Variants in ROR1 observed in about 807,000 individuals in gnomAD.
ROR1 encodes inactive tyrosine-protein kinase transmembrane receptor ROR1.
In ROR1, 19 loss-of-function variants were observed where a neutral mutation model predicts 78.8. That is an observed-to-expected ratio of 0.24 (90% CI 0.17 to 0.35). The LOEUF is 0.35. ROR1 is among the 10% of genes least tolerant of loss of function. The pLI, the probability that ROR1 is intolerant of heterozygous loss-of-function variation, is 1.00. For missense variants in ROR1, 917 were observed against 1,177.8 expected, an observed-to-expected ratio of 0.78 and a Z score of 3.24; for synonymous variants, 386 against 433.6, an observed-to-expected ratio of 0.89 and a Z score of 1.36.
intron 1 of ROR1, chr1:63,843,233 C>T: frequency 6.6e-7 from 1 of 1,508,064 alleles, no homozygotes; most frequent in South Asian, 1.1e-5. Flanking sequence ...CACTGCCCCC[C>T]AGCTTCTCTG....
intron 1 of ROR1, among the ~76,000 whole-genome samples, chr1:63,945,895 A>C (rs1645883706): frequency 6.6e-6 from 1 of 152,212 alleles, no homozygotes; most frequent in Non-Finnish European, 1.5e-5. Context: ...GCTAGTGATA[A>C]TTTTAGTCCC....
chr1:63,828,640 T>C (rs928781374), intron 1 of ROR1, among the ~76,000 whole-genome samples: 2 of 152,240 alleles, frequency 1.3e-5, no homozygotes, highest in Admixed American at 6.5e-5. Flanking sequence ...TCAGAGCATG[T>C]TATTTGATTC....
intron 7 of ROR1, among the ~76,000 whole-genome samples, chr1:64,153,077 CAGTT>C (rs1465580439): frequency 1.3e-5 from 2 of 152,144 alleles, no homozygotes; most frequent in African/African-American, 4.8e-5. Flanking sequence ...AGAATTTTGT[CAGTT>C]AAAGATTGGC....
At chr1:64,088,341 G>A (rs948191297) in intron 4 of ROR1, among the ~76,000 whole-genome samples, 3 of 152,096 alleles carry the variant, frequency 2.0e-5, no homozygotes, top group Non-Finnish European at 4.4e-5. Context: ...CAACCACAGT[G>A]CTTCACATTC....
intron 1 of ROR1, among the ~76,000 whole-genome samples, chr1:63,798,352 G>A (rs1044257238): frequency 4.6e-5 from 7 of 152,262 alleles, no homozygotes; most frequent in Middle Eastern, 3.4e-3. Context: ...ATCAACTTAA[G>A]TAGGTACTCT....
At chr1:64,166,361 A>G (rs1650089743) in intron 8 of ROR1, among the ~76,000 whole-genome samples, 1 of 152,082 alleles carries the variant, frequency 6.6e-6, no homozygotes, top group African/African-American at 2.4e-5. Flanking sequence ...TTCCATGTGA[A>G]TTTTTAAATA....
chr1:63,841,861 C>A (rs1247122725), intron 1 of ROR1, among the ~76,000 whole-genome samples: 1 of 151,978 alleles, frequency 6.6e-6, no homozygotes, highest in Non-Finnish European at 1.5e-5. Flanking sequence ...TGCTAATGAC[C>A]CCTATATATC....
At chr1:64,063,403 G>A (rs1006325210) in intron 4 of ROR1, among the ~76,000 whole-genome samples, 3 of 152,130 alleles carry the variant, frequency 2.0e-5, no homozygotes, top group Admixed American at 1.3e-4. Context: ...GTTGCCTTCA[G>A]CCCAAAATAG....
intron 1 of ROR1, among the ~76,000 whole-genome samples, chr1:63,995,117 G>A (rs1365819811): frequency 6.6e-6 from 1 of 152,202 alleles, no homozygotes; most frequent in African/African-American, 2.4e-5. Context: ...TTGACACCCG[G>A]CAACCAAGTC....
chr1:64,161,303 C>T (rs1050483204), intron 8 of ROR1, among the ~76,000 whole-genome samples: 1 of 152,122 alleles, frequency 6.6e-6, no homozygotes, highest in African/African-American at 2.4e-5. Flanking sequence ...GATCTTTCAC[C>T]TTTTCTAAAT....
chr1:63,777,336 T>C (rs1320285765), intron 1 of ROR1, among the ~76,000 whole-genome samples: 1 of 152,166 alleles, frequency 6.6e-6, no homozygotes, highest in Non-Finnish European at 1.5e-5. Context: ...AATAGAAGTG[T>C]CTTGAAGGCA....
chr1:64,060,155 ATAAAAAGGGC>A (rs1246292366), intron 4 of ROR1, among the ~76,000 whole-genome samples: 1 of 152,130 alleles, frequency 6.6e-6, no homozygotes, highest in African/African-American at 2.4e-5. Context: ...GAATCAGTCT[ATAAAAAGGGC>A]ATGGTAAAAA....
chr1:63,956,495 C>T (rs1340660059), intron 1 of ROR1, among the ~76,000 whole-genome samples: 1 of 152,156 alleles, frequency 6.6e-6, no homozygotes, highest in Non-Finnish European at 1.5e-5. Flanking sequence ...TAGTACATAG[C>T]ACATTGTAAG....
chr1:63,774,434 G>T lies in ROR1; in HGVS notation c.17G>T (p.Arg6Leu). 8.5e-7 allele frequency: 1 copy of T among 1,176,798 alleles called. No homozygotes were observed. The highest frequency in any genetic ancestry group is 1.0e-6 in the Non-Finnish European group (1 of 957,506). 72.9% of individuals were successfully genotyped at this position (1,176,798 alleles called of 1,614,324 possible). Residue 6 changes from arginine to leucine, a missense_variant, in exon 1 of 9, where the codon CGC becomes CTC. Transcript: ENST00000371079. This position sits in a 1 kb window ranked among gnomAD's most constrained non-coding sequence, Gnocchi z 5.7. The stretch of plus-strand genomic sequence containing the variant: ...AGAGGAGGAATGCACCGGCCGCGCC[G>T]CCGCGGGACGCGCCCGCCGCTCCTG... MHRPR[R>L]RGTRPPLLAL...
At chr1:63,827,095 A>C (rs1644958416) in intron 1 of ROR1, among the ~76,000 whole-genome samples, 1 of 152,022 alleles carries the variant, frequency 6.6e-6, no homozygotes. Context: ...ATGTCTTTTG[A>C]GAAGTGTCTG....
At chr1:63,883,976 C>T (rs1191474308) in intron 1 of ROR1, among the ~76,000 whole-genome samples, 1 of 152,190 alleles carries the variant, frequency 6.6e-6, no homozygotes, top group East Asian at 1.9e-4. Flanking sequence ...GCCTGTTAAT[C>T]ACCTGTTTAC....
chr1:63,820,340 T>G (rs1334210277), intron 1 of ROR1, among the ~76,000 whole-genome samples: 4 of 152,192 alleles, frequency 2.6e-5, no homozygotes, highest in Non-Finnish European at 5.9e-5. Flanking sequence ...CCCCCTGTAC[T>G]GCTGCAGGCC....
intron 1 of ROR1, among the ~76,000 whole-genome samples, chr1:63,943,110 A>AAT (rs1224682941): frequency 1.3e-5 from 2 of 151,742 alleles, no homozygotes; most frequent in Admixed American, 6.6e-5. Flanking sequence ...AAAAAAAAAA[A>AAT]AAAAAAAGAT....
At chr1:63,972,048 G>A (rs1646123582) in intron 1 of ROR1, among the ~76,000 whole-genome samples, 1 of 152,088 alleles carries the variant, frequency 6.6e-6, no homozygotes, top group Non-Finnish European at 1.5e-5. Context: ...ATCCTAAAGA[G>A]GCCCAGATTA....
Sources: gnomAD v4.1 joint callset for allele counts (sites outside exome capture counted in the v4.1 genomes callset) on GRCh38, gnomAD v4.1.1 for gene constraint, Gnocchi (gnomAD v3.1) non-coding constraint, MANE v1.5 for transcripts, NCBI Gene and HGNC (gene_info 2026-07-23, HGNC 2026-07-21) for gene names.